TUSC3: variants seen among roughly 807,000 people sequenced by gnomAD.
TUSC3 encodes tumor suppressor candidate 3, also known as dolichyl-diphosphooligosaccharide--protein glycosyltransferase subunit TUSC3.
In TUSC3, 45 loss-of-function variants were observed where a neutral mutation model predicts 44.8. That is an observed-to-expected ratio of 1.00 (90% CI 0.79 to 1.29). The LOEUF is 1.29. Ranked by LOEUF, TUSC3 falls within the 50% of genes most tolerant of loss-of-function variation. The pLI is 0.00. For missense variants in TUSC3, 519 were observed against 437.9 expected (o/e 1.19, Z -1.65); for synonymous variants, 212 against 152.9 (o/e 1.39, Z -2.85).
intron 1 of TUSC3, among the ~76,000 whole-genome samples, chr8:15,572,457 C>G (rs965326124): frequency 2.6e-5 from 4 of 152,160 alleles, no homozygotes; most frequent in Non-Finnish European, 4.4e-5. Flanking sequence ...TCTATCCAAA[C>G]TATTTAAACT....
intron 6 of TUSC3, among the ~76,000 whole-genome samples, chr8:15,723,119 T>G (rs1810365646): frequency 6.6e-6 from 1 of 152,166 alleles, no homozygotes; most frequent in African/African-American, 2.4e-5. Flanking sequence ...TGAGAACCAC[T>G]GACTTAGGTT....
chr8:15,578,845 AG>A (rs1378121047), intron 1 of TUSC3, among the ~76,000 whole-genome samples: 2 of 152,082 alleles, frequency 1.3e-5, no homozygotes, highest in African/African-American at 4.8e-5. Context: ...TGAGTTAGGG[AG>A]GATTCCCTCT....
At chr8:15,685,735 A>G (rs1367540494) in intron 6 of TUSC3, among the ~76,000 whole-genome samples, 3 of 152,156 alleles carry the variant, frequency 2.0e-5, no homozygotes, top group Non-Finnish European at 2.9e-5. Context: ...ACAGACCTAT[A>G]TGAGCTCTGA....
the TUSC3 span, among the ~76,000 whole-genome samples, chr8:15,796,770 G>C: frequency 6.6e-6 from 1 of 152,184 alleles, no homozygotes; most frequent in Non-Finnish European, 1.5e-5. Context: ...TACTGCTCAG[G>C]CCAGCCTGGA....
the TUSC3 span, among the ~76,000 whole-genome samples, chr8:15,793,902 G>C: frequency 6.6e-6 from 1 of 152,156 alleles, no homozygotes; most frequent in Non-Finnish European, 1.5e-5. Flanking sequence ...CTCCATAATG[G>C]GGAAAGGCTT....
intron 6 of TUSC3, among the ~76,000 whole-genome samples, chr8:15,715,519 G>A (rs1364316539): frequency 1.3e-5 from 2 of 152,048 alleles, no homozygotes; most frequent in Non-Finnish European, 2.9e-5. Context: ...GACACAGCAG[G>A]ATGGCATGAG....
chr8:15,604,573 G>T (rs765559401), intron 1 of TUSC3, among the ~76,000 whole-genome samples: 8 of 151,706 alleles, frequency 5.3e-5, no homozygotes, highest in Non-Finnish European at 1.2e-4. Context: ...ATTATCAGTT[G>T]CAAAGGGGAT....
At chr8:15,508,774 T>C (rs1441126588) in intron 2 of TUSC3, among the ~76,000 whole-genome samples, 1 of 152,132 alleles carries the variant, frequency 6.6e-6, no homozygotes, top group Non-Finnish European at 1.5e-5. Context: ...AGCTTCCTTT[T>C]TAAGTGGAAT....
chr8:15,799,002 A>G, the TUSC3 span, among the ~76,000 whole-genome samples: 1 of 152,192 alleles, frequency 6.6e-6, no homozygotes, highest in Non-Finnish European at 1.5e-5. Flanking sequence ...AGACCAGAAT[A>G]CTAGTCAATG....
intron 2 of TUSC3, among the ~76,000 whole-genome samples, chr8:15,636,822 G>C (rs943854364): frequency 6.6e-6 from 1 of 152,160 alleles, no homozygotes; most frequent in Non-Finnish European, 1.5e-5. Context: ...CCTTTTTGGG[G>C]TCAAGTCTGA....
rs188916253 is a variant in TUSC3 at position 15,763,989 on chromosome 8, T to C, written c.*47-214T>C. ...CCACAAATTAAAGCTTTCAGCATCT[T>C]CTCTCACCCTGACCCTGTTCCCAAC... On this transcript the variant is annotated intron_variant, in intron 10 of 10. Transcript: ENST00000503731. 1.1e-4 allele frequency among the ~76,000 whole-genome samples: 17 copies of C among 152,162 alleles called. No homozygotes were observed. The East Asian group carries it at 3.3e-3, about 29-fold the overall frequency.
At chr8:15,775,209 A>G in the TUSC3 span, among the ~76,000 whole-genome samples, 1 of 152,154 alleles carries the variant, frequency 6.6e-6, no homozygotes. Flanking sequence ...CAGATACGAA[A>G]AGCCACATAG....
chr8:15,465,267 A>C (rs1800399725), intron 1 of TUSC3, among the ~76,000 whole-genome samples: 1 of 152,074 alleles, frequency 6.6e-6, no homozygotes, highest in African/African-American at 2.4e-5. Flanking sequence ...ACACAATAAG[A>C]CTACACTCTT....
At chr8:15,617,232 C>G (rs1401625514) in intron 1 of TUSC3, among the ~76,000 whole-genome samples, 2 of 150,438 alleles carry the variant, frequency 1.3e-5, no homozygotes, top group East Asian at 3.9e-4. Flanking sequence ...CTCCGCCTCC[C>G]AGGTTCAAGT....
chr8:15,807,200 G>A, the TUSC3 span: 108 of 730,108 alleles, frequency 1.5e-4, no homozygotes, highest in Admixed American at 5.8e-4. Context: ...AACCTTGCAT[G>A]CTGCGTAGCT....
chr8:15,429,446 A>T (rs370939741), intron 1 of TUSC3, among the ~76,000 whole-genome samples: 1 of 147,172 alleles, frequency 6.8e-6, no homozygotes, highest in African/African-American at 2.6e-5. Flanking sequence ...TTGACTTGGC[A>T]ATGCGGGCTC....
chr8:15,819,444 G>A, the TUSC3 span, among the ~76,000 whole-genome samples: 1 of 152,092 alleles, frequency 6.6e-6, no homozygotes, highest in South Asian at 2.1e-4. Context: ...TTACCTCTAT[G>A]CAGATCATTC....
At chr8:15,441,846 C>G (rs954242960) in intron 1 of TUSC3, among the ~76,000 whole-genome samples, 3 of 152,154 alleles carry the variant, frequency 2.0e-5, no homozygotes, top group African/African-American at 7.2e-5. Context: ...CTTCTCTAAG[C>G]ACAATGTCAA....
At chr8:15,598,390 C>T (rs1012798881) in intron 1 of TUSC3, among the ~76,000 whole-genome samples, 5 of 151,848 alleles carry the variant, frequency 3.3e-5, no homozygotes, top group Middle Eastern at 3.2e-3. Context: ...TCCACACATG[C>T]GTCATCTCCA....
Sources: gnomAD v4.1 joint callset for allele counts (sites outside exome capture counted in the v4.1 genomes callset) on GRCh38, gnomAD v4.1.1 for gene constraint, MANE v1.5 for transcripts, NCBI Gene and HGNC (gene_info 2026-07-23, HGNC 2026-07-21) for gene names.